The following XRCC5 variants were observed in gnomAD, a reference collection of about 807,000 sequenced individuals.
XRCC5 encodes the protein DNA repair protein Ku80.
Under a neutral mutation model 95.7 loss-of-function variants are expected in XRCC5, and 12 were observed. That is an observed-to-expected ratio of 0.13 (90% CI 0.08 to 0.20). The LOEUF is 0.20. Ranked by LOEUF, XRCC5 falls within the 10% of genes least tolerant of loss-of-function variation. The pLI, the probability that XRCC5 is intolerant of heterozygous loss-of-function variation, is 1.00. For missense variants in XRCC5, 595 were observed against 873.9 expected, an observed-to-expected ratio of 0.68 and a Z score of 4.02; for synonymous variants, 281 against 290.3, an observed-to-expected ratio of 0.97 and a Z score of 0.33.
At chr2:216,169,522 A>G (rs1268787272) in intron 16 of XRCC5, among the ~76,000 whole-genome samples, 2 of 152,192 alleles carry the variant, frequency 1.3e-5, no homozygotes, top group East Asian at 3.9e-4. Flanking sequence ...TTGTTTTAAA[A>G]ACAATATTGC....
intron 5 of XRCC5, among the ~76,000 whole-genome samples, chr2:216,120,584 AT>A (rs75002717): frequency 7.4e-5 from 11 of 148,284 alleles, no homozygotes; most frequent in East Asian, 5.9e-4. Flanking sequence ...TTTATTTTTA[AT>A]TTTTTTTTTT....
chr2:216,152,280 A>T (rs562177884), intron 14 of XRCC5, among the ~76,000 whole-genome samples: 1 of 152,250 alleles, frequency 6.6e-6, no homozygotes, highest in Non-Finnish European at 1.5e-5. Flanking sequence ...CCACACAAAA[A>T]AAATACAAAA....
At chr2:216,143,541 C>T (rs940895151) in intron 13 of XRCC5, among the ~76,000 whole-genome samples, 1 of 152,116 alleles carries the variant, frequency 6.6e-6, no homozygotes, top group Non-Finnish European at 1.5e-5. Context: ...AAAGCTGCTG[C>T]AAGCACGGGC....
intron 2 of XRCC5, 69 bp downstream of exon 2, chr2:216,113,198 C>T: frequency 7.5e-7 from 1 of 1,325,010 alleles, no homozygotes; most frequent in Non-Finnish European, 1.1e-6. Context: ...CCTACTAATG[C>T]AAGATACCAG....
chr2:216,203,381 G>A (rs954274418), intron 19 of XRCC5, among the ~76,000 whole-genome samples: 1 of 152,084 alleles, frequency 6.6e-6, no homozygotes, highest in Admixed American at 6.5e-5. Flanking sequence ...TCACCTTCTC[G>A]TGTTAGGATA....
chr2:216,129,585 TAATCA>T (rs1341639182), intron 8 of XRCC5, among the ~76,000 whole-genome samples: 1 of 152,240 alleles, frequency 6.6e-6, no homozygotes, highest in East Asian at 1.9e-4. Context: ...GTACCAGTCT[TAATCA>T]TGTGCCATAC....
intron 16 of XRCC5, among the ~76,000 whole-genome samples, chr2:216,177,576 G>A (rs957293287): frequency 2.0e-5 from 3 of 152,184 alleles, no homozygotes; most frequent in Non-Finnish European, 2.9e-5. Context: ...GAAAAATTGT[G>A]TAGATTTTAG....
At chr2:216,125,597 T>C (rs1013164211) in intron 6 of XRCC5, among the ~76,000 whole-genome samples, 1 of 152,170 alleles carries the variant, frequency 6.6e-6, no homozygotes, top group East Asian at 1.9e-4. Flanking sequence ...TTTTATCACA[T>C]CCTCAAAGGT....
At chr2:216,123,980 T>C (rs1382475494) in intron 6 of XRCC5, among the ~76,000 whole-genome samples, 1 of 152,252 alleles carries the variant, frequency 6.6e-6, no homozygotes, top group Non-Finnish European at 1.5e-5. Flanking sequence ...ACCAGAACTT[T>C]GCCATCCAGT....
intron 16 of XRCC5, among the ~76,000 whole-genome samples, chr2:216,183,984 T>C (rs1482709786): frequency 2.6e-5 from 4 of 151,826 alleles, no homozygotes. Context: ...GTCCGAACTC[T>C]TTTAGAAGTG....
intron 7 of XRCC5, among the ~76,000 whole-genome samples, chr2:216,127,335 A>G (rs552862374): frequency 2.4e-4 from 37 of 152,222 alleles, no homozygotes; most frequent in Non-Finnish European, 4.6e-4. Context: ...TTGGGAGAAA[A>G]TGAAATGTAG....
In XRCC5 at chr2:216,122,169, A is replaced by C; in HGVS notation, c.599A>C (p.Gln200Pro). 6.2e-7 allele frequency: 1 copy of C among 1,614,224 alleles called. No individual in the cohort carries two copies. Among genetic ancestry groups the C allele is most frequent in the Non-Finnish European group, 8.5e-7 (1 of 1,180,028 alleles). Residue 200 changes from glutamine (Q) to proline (P), a missense_variant, in exon 6 of 21, where the codon CAG (glutamine) becomes CCG (proline). By Grantham distance (76) the Gln-to-Pro change is moderately conservative. This residue lies in a region of XRCC5 where 286 missense variants were observed against 491.1 expected (regional missense o/e 0.58). Coordinates refer to ENST00000392132, the MANE Select transcript of XRCC5 (RefSeq NM_021141.4). ...PSFPLKGITE[Q>P]QKEGLEIVKM... ...TTTCCACTAAAAGGAATTACCGAAC[A>C]GCAAAAAGAAGGTCTTGAGATAGTG...
chr2:216,131,247 G>A lies in XRCC5; in HGVS notation c.1050+260G>A, dbSNP rs890752018. The A allele has an allele frequency of 7.9e-5, 78 of 985,310 alleles. 1 individual carries two copies. The African/African-American group carries it at 1.2e-3, about 15-fold the overall frequency. The allele number at this position is 985,310 out of a possible 1,614,324, so 61.0% of individuals were successfully genotyped here. On this transcript the variant is annotated intron_variant, in intron 9 of 20. Coordinates refer to ENST00000392132, the MANE Select transcript of XRCC5 (RefSeq NM_021141.4). ...AATGGGGAATGGAAGCGGAGATGAG[G>A]GGTATTTGAATTATGTGGGCCTAAC...
intron 14 of XRCC5, among the ~76,000 whole-genome samples, chr2:216,159,229 C>T (rs898021568): frequency 6.6e-6 from 1 of 152,110 alleles, no homozygotes; most frequent in African/African-American, 2.4e-5. Flanking sequence ...GATTGCATTT[C>T]TCTCTGGGAG....
chr2:216,181,842 G>A (rs2106040770), intron 16 of XRCC5, among the ~76,000 whole-genome samples: 1 of 152,270 alleles, frequency 6.6e-6, no homozygotes, highest in East Asian at 1.9e-4. Flanking sequence ...CAAAGAAGAA[G>A]TGCAGAATCT....
chr2:216,123,238 A>C (rs828699), intron 6 of XRCC5, among the ~76,000 whole-genome samples: 78,766 of 151,944 alleles, frequency 0.52, 20,866 homozygotes, highest in Non-Finnish European at 0.56. Flanking sequence ...TATTTTTTCT[A>C]AACGACCATT....
intron 19 of XRCC5, among the ~76,000 whole-genome samples, chr2:216,200,134 C>T (rs1689809065): frequency 2.0e-5 from 3 of 152,212 alleles, no homozygotes; most frequent in South Asian, 4.1e-4. Context: ...CCCCCAGATG[C>T]CCGCTGTAGT....
chr2:216,199,132 C>CT (rs2106053043), intron 19 of XRCC5, among the ~76,000 whole-genome samples: 1 of 152,308 alleles, frequency 6.6e-6, no homozygotes, highest in African/African-American at 2.4e-5. Context: ...GGAAACTTGA[C>CT]TATAATCACT....
intron 19 of XRCC5, among the ~76,000 whole-genome samples, chr2:216,197,254 T>C (rs1689741132): frequency 6.6e-6 from 1 of 151,896 alleles, no homozygotes. Context: ...TAGAGAGAAA[T>C]TTCAGTTAAT....
Sources: gnomAD v4.1 joint callset for allele counts (sites outside exome capture counted in the v4.1 genomes callset) on GRCh38, gnomAD v4.1.1 for gene constraint, gnomAD v4.1.1 regional missense constraint, MANE v1.5 for transcripts, NCBI Gene and HGNC (gene_info 2026-07-23, HGNC 2026-07-21) for gene names.